KLHL23: variants seen among roughly 807,000 people sequenced by gnomAD.
KLHL23 encodes kelch-like protein 23.
Under a neutral mutation model 48.9 loss-of-function variants are expected in KLHL23, and 33 were observed. That is an observed-to-expected ratio of 0.67 (90% confidence interval 0.51 to 0.90). The LOEUF (loss-of-function observed/expected upper bound fraction) is 0.90. Among genes scored for constraint, KLHL23 ranks in the 40% least tolerant of loss-of-function variants. KLHL23 has a pLI of 0.00. For synonymous variants in KLHL23, 234 were observed against 231.6 expected (o/e 1.01, Z -0.09); for missense variants, 608 against 669.6 (o/e 0.91, Z 1.02).
chr2:169,734,904 C>T, intron 1 of KLHL23, 109 bp from the exon 2 acceptor site: 1 of 1,383,254 alleles, frequency 7.2e-7, no homozygotes, highest in East Asian at 2.5e-5. Context: ...AGATGCTGAA[C>T]TTAGTCCAGT....
At chr2:169,740,379 T>G (rs77099501) in intron 2 of KLHL23, among the ~76,000 whole-genome samples, 4,565 of 151,036 alleles carry the variant, frequency 0.03, 97 homozygotes, top group East Asian at 0.1. Flanking sequence ...CTCCTAAACT[T>G]CTGGAATTAC....
intron 3 of KLHL23, among the ~76,000 whole-genome samples, chr2:169,748,504 G>A (rs1454397687): frequency 6.6e-6 from 1 of 152,186 alleles, no homozygotes; most frequent in Non-Finnish European, 1.5e-5. Context: ...AAGCGGGTGT[G>A]TGGAAGAAAA....
intron 3 of KLHL23, among the ~76,000 whole-genome samples, chr2:169,742,277 A>G (rs1336760926): frequency 6.6e-6 from 1 of 152,242 alleles, no homozygotes; most frequent in Admixed American, 6.5e-5. Context: ...TGGAGGGGGT[A>G]GTGGAAATTC....
At position 169,744,199 on chromosome 2, in the gene KLHL23, A is replaced by C. The variant is rs866807655; in HGVS notation, c.1366+2662A>C. On this transcript the variant is annotated intron_variant, in intron 3 of 3. Transcript: ENST00000392647. ...AGAATCCAGGAGCAAATATACATACATAATGGAAATACAGGACAGTCTCTG... is the reference window on the plus strand; with the variant it reads ...AGAATCCAGGAGCAAATATACATACCTAATGGAAATACAGGACAGTCTCTG... 2.6e-4 allele frequency among the ~76,000 whole-genome samples: 40 copies of C among 152,324 alleles called. 1 individual carries two copies. In the Middle Eastern group the frequency reaches 0.01, roughly 39 times the overall value.
rs373520815 is a variant in KLHL23, at chr2:169,735,356, G to A, written c.342G>A (p.Ala114=). 20 of 1,612,736 alleles carry A rather than the reference G, an allele frequency of 1.2e-5. No individual in the cohort carries two copies. Among genetic ancestry groups the A allele is most frequent in the African/African-American group, 1.2e-4 (9 of 74,862 alleles). Residue 114 remains alanine (A), a synonymous_variant, in exon 2 of 4, where the codon GCG becomes GCA. Transcript: ENST00000392647. This position sits in a 1 kb window ranked among gnomAD's most constrained non-coding sequence, Gnocchi z 4.5. ...KRNVQSLLEA[A]DLLQFLSVKK... is the part of the protein sequence containing the mutation. ...ATGTTCAAAGCCTGCTTGAGGCAGC[G>A]GATCTGCTACAGTTCCTTTCAGTAA...
rs897660798 is a variant in KLHL23 at position 169,741,511 on chromosome 2, G to A, written c.1340G>A (p.Ser447Asn). 1.2e-6 allele frequency: 2 copies of A among 1,613,716 alleles called. No individual in the cohort carries two copies. The highest frequency in any genetic ancestry group is 1.6e-4 in the Middle Eastern group (1 of 6,082). The change falls in exon 3 of 4, where the codon AGC (serine) becomes AAC (asparagine). Residue 447 changes from serine (S) to asparagine (N), a missense_variant. Coordinates refer to ENST00000392647, the MANE Select transcript of KLHL23 (RefSeq NM_144711.6). ...QSYNSDINEW[S>N]LITSSPHPEY... The stretch of plus-strand genomic sequence containing the variant: ...TACAATTCCGATATCAACGAATGGA[G>A]CCTCATCACCTCCAGTCCACATCCA...
At chr2:169,740,286 A>AT (rs1228424676) in intron 2 of KLHL23, among the ~76,000 whole-genome samples, 1 of 148,994 alleles carries the variant, frequency 6.7e-6, no homozygotes, top group Non-Finnish European at 1.5e-5. Flanking sequence ...CTACTTTTTT[A>AT]TTTTTTGTAG....
intron 2 of KLHL23, among the ~76,000 whole-genome samples, chr2:169,737,915 T>C (rs1157421115): frequency 6.6e-6 from 1 of 152,178 alleles, no homozygotes; most frequent in Admixed American, 6.5e-5. Flanking sequence ...AGTATATTTC[T>C]TTGAGAATGA....
intron 2 of KLHL23, among the ~76,000 whole-genome samples, chr2:169,740,786 A>G (rs984029419): frequency 7.8e-6 from 1 of 128,410 alleles, no homozygotes; most frequent in African/African-American, 3.2e-5. Flanking sequence ...ATATATATAT[A>G]TATATAACTT....
At position 169,736,055 on chromosome 2, in the gene KLHL23, T is replaced by C. The variant is rs759263240; in HGVS notation, c.1041T>C (p.Asp347=). The change falls in exon 2 of 4, where the codon GAT becomes GAC. Residue 347 remains aspartate (D), a synonymous_variant. Coordinates refer to ENST00000392647, the MANE Select transcript of KLHL23 (RefSeq NM_144711.6). ...DTVWIYNSES[D]EWTEGLPMLN... is the part of the protein sequence containing the mutation. The stretch of plus-strand genomic sequence containing the variant: ...TGTGGATCTATAACAGTGAAAGTGA[T>C]GAATGGACAGAAGGTTTGCCAATGC... 6.2e-7 allele frequency: 1 copy of C among 1,613,950 alleles called. No individual in the cohort carries two copies. Among genetic ancestry groups the C allele is most frequent in the Non-Finnish European group, 8.5e-7 (1 of 1,179,976 alleles).
chr2:169,745,443 G>T (rs556623763), intron 3 of KLHL23, among the ~76,000 whole-genome samples: 2 of 140,604 alleles, frequency 1.4e-5, no homozygotes, highest in Middle Eastern at 8.1e-3. Context: ...AACCCGGGAG[G>T]CAGAGCTTGC....
At chr2:169,741,892 A>G (rs1251200130) in intron 3 of KLHL23, among the ~76,000 whole-genome samples, 2 of 152,230 alleles carry the variant, frequency 1.3e-5, no homozygotes, top group African/African-American at 4.8e-5. Flanking sequence ...GCACCATTCT[A>G]TCAAATAGTC....
Position 169,736,136 on chromosome 2 carries a change from A to G in KLHL23, c.1122A>G (p.Leu374=). 3 of 1,614,182 alleles carry G rather than the reference A, an allele frequency of 1.9e-6. No individual in the cohort carries two copies. The highest frequency in any genetic ancestry group is 2.5e-6 in the Non-Finnish European group (3 of 1,180,020). ...CCTTGGGTGGCTGTGTCTATGCTTT[A>G]GGTGGTTACAGAAAAGGGGCTCCAG... ...AVTLGGCVYA[L]GGYRKGAPAE... is the part of the protein sequence containing the mutation. Residue 374 remains leucine (L), a synonymous_variant, in exon 2 of 4, where the codon TTA becomes TTG. Coordinates refer to ENST00000392647, the MANE Select transcript of KLHL23 (RefSeq NM_144711.6).
At chr2:169,740,570 T>C (rs1688648805) in intron 2 of KLHL23, among the ~76,000 whole-genome samples, 1 of 150,684 alleles carries the variant, frequency 6.6e-6, no homozygotes, top group Admixed American at 6.6e-5. Context: ...TGCCTCAGCC[T>C]CCCGAGTAGC....
chr2:169,749,973 ATG>A lies in KLHL23; in HGVS notation c.*245_*246del, dbSNP rs1558952205. 2 of 118,838 alleles carry A rather than the reference ATG, an allele frequency of 1.7e-5. No homozygotes were observed. Among genetic ancestry groups the A allele is most frequent in the Non-Finnish European group, 3.1e-5 (2 of 63,508 alleles). The allele number at this position is 118,838 out of a possible 1,614,324, so 7.4% of individuals were successfully genotyped here. A position where few individuals can be genotyped will look rare whatever the true frequency, so the allele number is the denominator to read the frequency against. On this transcript the variant is annotated 3_prime_UTR_variant, in exon 4 of 4. Transcript: ENST00000392647. ...TGTTCATATATATGTATACATATAT[ATG>A]TGTATATATACGTATGTATACATAT...
rs576131079 is a variant in KLHL23, at chr2:169,737,696, C to G, written c.1213+1469C>G. Among the ~76,000 whole-genome samples the G allele has an allele frequency of 3.3e-5, 5 of 151,256 alleles. No homozygotes were observed. In the East Asian group the frequency reaches 9.8e-4, roughly 30 times the overall value. ...GTGGCGTGATCTTGGCTCACTGCAA[C>G]CTCTGCCTCCCGGGTTCAAGCAGTT... On this transcript the variant is annotated intron_variant, in intron 2 of 3. Coordinates refer to ENST00000392647, the MANE Select transcript of KLHL23 (RefSeq NM_144711.6).
chr2:169,746,286 A>G (rs907621942), intron 3 of KLHL23, among the ~76,000 whole-genome samples: 1 of 152,250 alleles, frequency 6.6e-6, no homozygotes, highest in Non-Finnish European at 1.5e-5. Flanking sequence ...AGGCTCTTCA[A>G]TGAGAAAAGA....
rs973856281 is a variant in KLHL23 at position 169,750,788 on chromosome 2, A to G, written c.*1056A>G. On this transcript the variant is annotated 3_prime_UTR_variant, in exon 4 of 4. Coordinates refer to ENST00000392647, the MANE Select transcript of KLHL23 (RefSeq NM_144711.6). ...TTGTTTATGCTAAGAACTGTTTTTA[A>G]TTTTCAGCTTTGATGTAAATTGCTA... 1 of 152,184 alleles carries G rather than the reference A, an allele frequency of 6.6e-6. No homozygotes were observed. Among genetic ancestry groups the G allele is most frequent in the Admixed American group, 6.5e-5 (1 of 15,274 alleles). 9.4% of individuals were successfully genotyped at this position (152,184 alleles called of 1,614,324 possible).
Position 169,736,704 on chromosome 2 carries a change from C to G in KLHL23, c.1213+477C>G, listed in dbSNP as rs75899172. 6.2e-3 allele frequency among the ~76,000 whole-genome samples: 944 copies of G among 152,220 alleles called. 7 individuals are homozygous for G. Among genetic ancestry groups the G allele is most frequent in the African/African-American group, 0.021 (860 of 41,526 alleles). On this transcript the variant is annotated intron_variant, in intron 2 of 3. Coordinates refer to ENST00000392647, the MANE Select transcript of KLHL23 (RefSeq NM_144711.6). ...CTCTCCCTCATGTGGCCCACAGAAC[C>G]CGGCACACCCCTGGGTCTCGGTATC...
Sources: allele counts gnomAD v4.1 joint callset (sites outside exome capture counted in the v4.1 genomes callset), GRCh38; gene constraint gnomAD v4.1.1; non-coding constraint Gnocchi (gnomAD v3.1); transcripts MANE v1.5; gene names NCBI Gene and HGNC (gene_info 2026-07-23, HGNC 2026-07-21).